Variants in MTRR observed in about 807,000 individuals in gnomAD.
MTRR encodes the protein methionine synthase reductase.
In MTRR, 63 loss-of-function variants were observed where a neutral mutation model predicts 79.2. The ratio of observed to expected loss-of-function variants is 0.80; its 90% CI spans 0.65 to 0.98. The LOEUF is 0.98. Ranked by LOEUF, MTRR falls within the 50% of genes least tolerant of loss-of-function variation. The pLI, the probability that MTRR is intolerant of heterozygous loss-of-function variation, is 0.00. For synonymous variants in MTRR, 355 were observed against 313.3 expected (o/e 1.13, Z -1.41); for missense variants, 895 against 839.6 (o/e 1.07, Z -0.82).
At chr5:7,868,997 C>T (rs1213725933), upstream of MTRR, 3 of 994,252 alleles carry the variant, frequency 3.0e-6, no homozygotes, top group Non-Finnish European at 4.8e-6. Flanking sequence ...GCCGGGCAAT[C>T]ACTCCGGGTG....
At chr5:7,865,676 T>C (rs1440871602), upstream of MTRR, among the ~76,000 whole-genome samples, 7 of 152,130 alleles carry the variant, frequency 4.6e-5, no homozygotes, top group African/African-American at 1.7e-4. Flanking sequence ...CAGCACTTGA[T>C]AAAACCTCCT....
upstream of MTRR, chr5:7,868,994 A>G (rs1336307443): frequency 4.1e-6 from 4 of 969,228 alleles, no homozygotes; most frequent in African/African-American, 1.6e-5. Flanking sequence ...TCTGCCGGGC[A>G]ATCACTCCGG....
intron 2 of MTRR, chr5:7,872,213 G>A (rs1255479949): frequency 1.1e-5 from 5 of 453,078 alleles, no homozygotes; most frequent in Non-Finnish European, 1.8e-5. Flanking sequence ...AAGTTAAGTT[G>A]TTACCTCTTT....
intron 3 of MTRR, 134 bp downstream of exon 3, chr5:7,873,660 A>G (rs765813808): frequency 3.9e-6 from 4 of 1,036,894 alleles, no homozygotes; most frequent in Non-Finnish European, 5.7e-6. Flanking sequence ...ATATGTATAT[A>G]TAAATGTATG....
rs377333185 is a variant in MTRR, at chr5:7,891,353, T to C, written c.1328-19T>C. 1 of 1,559,498 alleles carries C rather than the reference T, an allele frequency of 6.4e-7. No homozygotes were observed. The highest frequency in any genetic ancestry group is 8.8e-7 in the Non-Finnish European group (1 of 1,132,928). ...CAGTAGTAGTGAATTAATAATTGCT[T>C]GTTTTTATTTTTTTCTAGAACATCT... On this transcript the variant is annotated intron_variant, in intron 9 of 14. Coordinates refer to ENST00000440940, the MANE Select transcript of MTRR (RefSeq NM_002454.3).
intron 14 of MTRR, among the ~76,000 whole-genome samples, chr5:7,897,929 A>C (rs1738815365): frequency 6.6e-6 from 1 of 150,594 alleles, no homozygotes; most frequent in Non-Finnish European, 1.5e-5. Flanking sequence ...TTTTTTTTTC[A>C]ACTGTAATGT....
At chr5:7,873,763 C>T (rs1427646925) in intron 3 of MTRR, among the ~76,000 whole-genome samples, 1 of 152,190 alleles carries the variant, frequency 6.6e-6, no homozygotes, top group Non-Finnish European at 1.5e-5. Context: ...TAAGGATGCA[C>T]CTCAGATGCA....
At chr5:7,887,469 ATG>A (rs1264976470) in intron 8 of MTRR, among the ~76,000 whole-genome samples, 1 of 151,058 alleles carries the variant, frequency 6.6e-6, no homozygotes, top group Non-Finnish European at 1.5e-5. Context: ...CGTTTTATTA[ATG>A]TGTTTATTGC....
intron 8 of MTRR, among the ~76,000 whole-genome samples, chr5:7,888,010 C>T (rs1254808840): frequency 6.6e-6 from 1 of 151,472 alleles, no homozygotes; most frequent in Non-Finnish European, 1.5e-5. Context: ...TAACTTAAAT[C>T]AAGAATCTGT....
chr5:7,892,952 A>C, intron 11 of MTRR, 39 bp downstream of exon 11: 315 of 1,577,028 alleles, frequency 2.0e-4, no homozygotes, highest in Non-Finnish European at 2.4e-4. Flanking sequence ...TTGTTAACTC[A>C]TACTCTTTGT....
Position 7,854,010 on chromosome 5 carries a change from C to T in MTRR, n.391+2425C>T, listed in dbSNP as rs555573124. Among the ~76,000 whole-genome samples the T allele has an allele frequency of 2.0e-5, 3 of 152,250 alleles. No individual in the cohort carries two copies. In the South Asian group the frequency reaches 6.2e-4, roughly 32 times the overall value. The stretch of plus-strand genomic sequence containing the variant: ...GAGACAGATGAAACCATGGGCAAGG[C>T]AGACTTTGGCAATTTTGATTATTAA... On this transcript the variant is annotated intron_variant and non_coding_transcript_variant, in intron 1 of 3. Coordinates refer to the MTRR transcript ENST00000502509.
At chr5:7,896,462 G>C (rs162053) in intron 12 of MTRR, 4,871 of 240,472 alleles carry the variant, frequency 0.02, 86 homozygotes, top group African/African-American at 0.047. Context: ...AGATGTCTCT[G>C]TCTCATCAGT....
intron 6 of MTRR, among the ~76,000 whole-genome samples, chr5:7,884,248 G>A (rs1004374915): frequency 3.9e-5 from 6 of 152,274 alleles, no homozygotes; most frequent in Admixed American, 2.0e-4. Flanking sequence ...GATTTCTTGA[G>A]AATCTGGAAA....
intron 1 of MTRR, chr5:7,859,322 C>A: frequency 1.9e-6 from 1 of 537,340 alleles, no homozygotes; most frequent in East Asian, 3.2e-5. Flanking sequence ...GCTTTCAGAT[C>A]ACCAGTCTAG....
chr5:7,863,556 A>C (rs1746704031), intron 2 of MTRR, among the ~76,000 whole-genome samples: 1 of 152,220 alleles, frequency 6.6e-6, no homozygotes. Flanking sequence ...TTAAAATATG[A>C]AAAAATCTGA....
intron 1 of MTRR, chr5:7,856,837 G>A (rs1304287634): frequency 2.0e-5 from 3 of 149,166 alleles, no homozygotes. Context: ...TATCTTTCAA[G>A]TGTCCACATG....
chr5:7,897,080 T>C lies in MTRR; in HGVS notation c.1785T>C (p.His595=). The C allele has an allele frequency of 6.2e-7, 1 of 1,614,152 alleles. No individual in the cohort carries two copies. The change falls in exon 14 of 15, where the codon CAT becomes CAC. Residue 595 remains histidine (H), a synonymous_variant. Transcript: ENST00000440940. Reference sequence around the variant, plus strand: ...TATATTTCAGAAAAGAGCTCAGACATTTCCTTAAGCATGGGATCTTAACTC... The same window carrying C: ...TATATTTCAGAAAAGAGCTCAGACACTTCCTTAAGCATGGGATCTTAACTC... ...RDYLFRKELR[H]FLKHGILTHL...
chr5:7,868,249 G>A (rs1470579541), upstream of MTRR: 5 of 563,272 alleles, frequency 8.9e-6, no homozygotes, highest in Admixed American at 3.6e-5. Context: ...AAACACCAGA[G>A]GGGCAAAGTC....
Position 7,897,118 on chromosome 5 carries a change from C to G in MTRR, c.1823C>G (p.Ser608Cys), listed in dbSNP as rs1738665460. 6.2e-7 allele frequency: 1 copy of G among 1,614,034 alleles called. No homozygotes were observed. ...GGGATCTTAACTCATCTAAAGGTTT[C>G]CTTCTCAAGAGATGCTCCTGTTGGG... is the stretch of plus-strand genomic sequence containing the variant. ...KHGILTHLKV[S>C]FSRDAPVGEE... is the part of the protein sequence containing the mutation. Residue 608 changes from serine (S) to cysteine (C), a missense_variant, in exon 14 of 15, where the codon TCC (serine) becomes TGC (cysteine). Transcript: ENST00000440940.
Sources: allele counts gnomAD v4.1 joint callset (sites outside exome capture counted in the v4.1 genomes callset), GRCh38; gene constraint gnomAD v4.1.1; transcripts MANE v1.5; gene names NCBI Gene and HGNC (gene_info 2026-07-23, HGNC 2026-07-21).